Variants in PCSK6 observed in about 807,000 individuals in gnomAD.
PCSK6 encodes paired basic amino acid cleaving enzyme 4.
In PCSK6, 85 loss-of-function variants were observed where a neutral mutation model predicts 123.3. That is an observed-to-expected ratio of 0.69 (90% confidence interval 0.58 to 0.83). The LOEUF is 0.83. PCSK6 is among the 40% of genes least tolerant of loss of function. The pLI, the probability that PCSK6 is intolerant of heterozygous loss-of-function variation, is 0.00. For missense variants in PCSK6, 1,191 were observed against 1,282.3 expected, an observed-to-expected ratio of 0.93 and a Z score of 1.09; for synonymous variants, 508 against 516.0, an observed-to-expected ratio of 0.98 and a Z score of 0.21.
At chr15:101,372,234 C>T (rs1449358468) in intron 11 of PCSK6, among the ~76,000 whole-genome samples, 2 of 152,146 alleles carry the variant, frequency 1.3e-5, no homozygotes, top group South Asian at 4.1e-4. Context: ...AACTCCCCAC[C>T]ACACGACCGG....
chr15:101,444,823 T>A (rs560969054), intron 1 of PCSK6, among the ~76,000 whole-genome samples: 5 of 152,290 alleles, frequency 3.3e-5, no homozygotes, highest in African/African-American at 1.2e-4. Context: ...CTGACCTCAA[T>A]AGAGTTGACT....
chr15:101,472,024 A>C (rs1315059262), intron 1 of PCSK6, among the ~76,000 whole-genome samples: 1 of 73,184 alleles, frequency 1.4e-5, no homozygotes, highest in Non-Finnish European at 3.8e-5. Context: ...AAGAAACACG[A>C]AATTGTGATA....
At chr15:101,321,830 T>C (rs1035801420) in intron 18 of PCSK6, among the ~76,000 whole-genome samples, 1 of 151,468 alleles carries the variant, frequency 6.6e-6, no homozygotes, top group Non-Finnish European at 1.5e-5. Context: ...GTGCGGACCA[T>C]GGTGCTAGTC....
chr15:101,412,384 T>C (rs561744121), intron 6 of PCSK6, among the ~76,000 whole-genome samples: 1 of 152,312 alleles, frequency 6.6e-6, no homozygotes, highest in Admixed American at 6.5e-5. Flanking sequence ...ATTTTATTCA[T>C]TTTCTTCCTC....
rs981157987 is a variant in PCSK6 at position 101,463,641 on chromosome 15, T to C, written c.298-19981A>G. Among the ~76,000 whole-genome samples the C allele has an allele frequency of 3.3e-5, 5 of 152,326 alleles. No individual in the cohort carries two copies. In the East Asian group the frequency reaches 9.7e-4, roughly 29 times the overall value. ...GGTTGTTCATCTATTCTGGGAGCAC[T>C]GGGATAGTTGCCTTTCTGGGTGTGA... On this transcript the variant is annotated intron_variant, in intron 1 of 21. Coordinates refer to ENST00000611716, the MANE Select transcript of PCSK6 (RefSeq NM_002570.5).
intron 11 of PCSK6, among the ~76,000 whole-genome samples, chr15:101,376,564 A>T (rs1183242235): frequency 6.6e-6 from 1 of 152,238 alleles, no homozygotes; most frequent in Non-Finnish European, 1.5e-5. Flanking sequence ...CTCTCCTAGG[A>T]ATAACGCTTC....
At chr15:101,454,438 A>T (rs930167995) in intron 1 of PCSK6, among the ~76,000 whole-genome samples, 1 of 152,202 alleles carries the variant, frequency 6.6e-6, no homozygotes, top group Non-Finnish European at 1.5e-5. Flanking sequence ...AATATGGCTC[A>T]GCCTGAAAAA....
At chr15:101,464,380 A>C (rs924309361) in intron 1 of PCSK6, among the ~76,000 whole-genome samples, 3 of 151,932 alleles carry the variant, frequency 2.0e-5, no homozygotes, top group Non-Finnish European at 4.4e-5. Context: ...GTTCCCTCAC[A>C]ATTTGGTCAT....
rs760974208 is a variant in PCSK6 at position 101,370,441 on chromosome 15, A to G, written c.1615T>C (p.Leu539=). Residue 539 remains leucine, a synonymous_variant, in exon 12 of 22, where the codon TTG becomes CTG. Transcript: ENST00000611716. ...AEHSDQRVVY[L]EHVVVRTSIS... The stretch of plus-strand genomic sequence containing the variant: ...GAGGTGCGAACCACCACGTGCTCCA[A>G]GTAGACCACCCGCTGGTCCGAGTGC... 1 of 1,551,654 alleles carries G rather than the reference A, an allele frequency of 6.4e-7. No individual in the cohort carries two copies. The highest frequency in any genetic ancestry group is 8.7e-7 in the Non-Finnish European group (1 of 1,146,934).
At chr15:101,362,178 G>GT (rs2041247837) in intron 13 of PCSK6, among the ~76,000 whole-genome samples, 1 of 152,028 alleles carries the variant, frequency 6.6e-6, no homozygotes, top group African/African-American at 2.4e-5. Flanking sequence ...GGATGGTCTC[G>GT]ATCTCCTGAC....
chr15:101,347,489 G>A, intron 13 of PCSK6: 1 of 1,309,986 alleles, frequency 7.6e-7, no homozygotes, highest in East Asian at 2.7e-5. Flanking sequence ...TACTGAGTAT[G>A]TACAGCTGAA....
At chr15:101,475,029 A>T (rs117178933) in intron 1 of PCSK6, among the ~76,000 whole-genome samples, 1,580 of 152,260 alleles carry the variant, frequency 0.01, 23 homozygotes, top group Middle Eastern at 0.02. Flanking sequence ...TGAACATTCT[A>T]TGGACCCCTC....
At chr15:101,375,570 C>T (rs150412356) in intron 11 of PCSK6, among the ~76,000 whole-genome samples, 9 of 152,304 alleles carry the variant, frequency 5.9e-5, no homozygotes, top group Admixed American at 3.3e-4. Context: ...TGCATATTCA[C>T]CTGGTGGCTG....
intron 15 of PCSK6, 88 bp from the exon 16 acceptor site, chr15:101,326,567 G>T: frequency 7.7e-7 from 1 of 1,306,000 alleles, no homozygotes. Flanking sequence ...GGATATCGCA[G>T]CTTGGCAGGG....
In PCSK6 at chr15:101,398,459, G is replaced by A. The variant is rs371571940; in HGVS notation, c.941C>T (p.Thr314Met). The A allele has an allele frequency of 1.4e-5, 23 of 1,613,836 alleles. No homozygotes were observed. The highest frequency in any genetic ancestry group is 1.6e-4 in the Middle Eastern group (1 of 6,082). ...ASWGPDDDGKTVDGPGRLAKQ... is the reference protein window; with the variant it reads ...ASWGPDDDGKMVDGPGRLAKQ... The stretch of plus-strand genomic sequence containing the variant: ...AGCCAGTCGGCCGGGCCCGTCCACC[G>A]TCTTGCCGTCGTCGTCCGGCCCCCA... Residue 314 changes from threonine (T) to methionine (M), a missense_variant, in exon 7 of 22, where the codon ACG (threonine) becomes ATG (methionine). Transcript: ENST00000611716. The surrounding 1 kb of genome is among the most constrained non-coding windows in gnomAD (Gnocchi z 4.6).
intron 3 of PCSK6, 78 bp from the exon 4 acceptor site, chr15:101,431,541 A>G (rs763803304): frequency 6.3e-7 from 1 of 1,575,450 alleles, no homozygotes; most frequent in Non-Finnish European, 8.7e-7. Flanking sequence ...CACACCCCAC[A>G]GGGAGGCGCT....
At chr15:101,407,186 G>A (rs1049102759) in intron 6 of PCSK6, among the ~76,000 whole-genome samples, 4 of 152,176 alleles carry the variant, frequency 2.6e-5, no homozygotes, top group South Asian at 2.1e-4. Context: ...GTCCTGGAGC[G>A]GAATGTCGGC....
In PCSK6 at chr15:101,428,993, C is replaced by T. The variant is rs376278155; in HGVS notation, c.734+994G>A. On this transcript the variant is annotated intron_variant, in intron 5 of 21. Coordinates refer to ENST00000611716, the MANE Select transcript of PCSK6 (RefSeq NM_002570.5). Reference sequence around the variant, plus strand: ...ATGAGGCTGGGCTGCTGCAGGCTCGCGGGAGCTCTGCAGCCTGCTGTGTGG... The same window carrying T: ...ATGAGGCTGGGCTGCTGCAGGCTCGTGGGAGCTCTGCAGCCTGCTGTGTGG... 1.3e-4 allele frequency among the ~76,000 whole-genome samples: 20 copies of T among 152,054 alleles called. No individual in the cohort carries two copies. The East Asian group carries it at 1.4e-3, about 10-fold the overall frequency.
At chr15:101,375,163 C>A (rs972194628) in intron 11 of PCSK6, among the ~76,000 whole-genome samples, 1 of 152,094 alleles carries the variant, frequency 6.6e-6, no homozygotes, top group Non-Finnish European at 1.5e-5. Flanking sequence ...ATGTTGGCCA[C>A]GCTGGTCTCA....
Sources: allele counts gnomAD v4.1 joint callset (sites outside exome capture counted in the v4.1 genomes callset), GRCh38; gene constraint gnomAD v4.1.1; non-coding constraint Gnocchi (gnomAD v3.1); transcripts MANE v1.5; gene names NCBI Gene and HGNC (gene_info 2026-07-23, HGNC 2026-07-21).